The following RFT1 variants were observed in gnomAD, a reference collection of about 807,000 sequenced individuals.
RFT1 encodes RFT1 glycolipid translocator homolog, also known as man(5)GlcNAc(2)-PP-dolichol translocation protein RFT1.
RFT1 carries 43 observed loss-of-function variants against 62.2 expected under a neutral mutation model. The ratio of observed to expected loss-of-function variants is 0.69; its 90% CI spans 0.54 to 0.89. RFT1 has a LOEUF of 0.89. Ranked by LOEUF, RFT1 falls within the 40% of genes least tolerant of loss-of-function variation. The pLI is 0.00. For missense variants in RFT1, 605 were observed against 649.9 expected, an observed-to-expected ratio of 0.93 and a Z score of 0.75; for synonymous variants, 262 against 264.6, an observed-to-expected ratio of 0.99 and a Z score of 0.10.
the RFT1 span, among the ~76,000 whole-genome samples, chr3:53,067,215 G>A: frequency 6.6e-6 from 1 of 152,204 alleles, no homozygotes; most frequent in Non-Finnish European, 1.5e-5. Flanking sequence ...GCACGGTGGA[G>A]CATGTCTGTA....
At chr3:53,070,022 G>A in the RFT1 span, among the ~76,000 whole-genome samples, 124 of 152,312 alleles carry the variant, frequency 8.1e-4, no homozygotes, top group African/African-American at 2.9e-3. Flanking sequence ...CAGGAAGATG[G>A]GGCTGGCTAG....
At chr3:53,104,432 T>C (rs1701407241) in intron 9 of RFT1, among the ~76,000 whole-genome samples, 1 of 152,114 alleles carries the variant, frequency 6.6e-6, no homozygotes, top group Non-Finnish European at 1.5e-5. Flanking sequence ...TCTCACTATG[T>C]TGACCAGGCT....
At chr3:53,104,500 C>T (rs1276819751) in intron 9 of RFT1, among the ~76,000 whole-genome samples, 2 of 152,052 alleles carry the variant, frequency 1.3e-5, no homozygotes, top group African/African-American at 4.8e-5. Context: ...AAGCGTGAGG[C>T]TTACAGGCAT....
chr3:53,082,491 T>C, the RFT1 span, among the ~76,000 whole-genome samples: 1 of 150,910 alleles, frequency 6.6e-6, no homozygotes, highest in Admixed American at 6.6e-5. Context: ...TAAAATGAAA[T>C]AATAATAACA....
intron 6 of RFT1, among the ~76,000 whole-genome samples, chr3:53,116,545 C>T (rs529487584): frequency 6.6e-6 from 1 of 152,000 alleles, no homozygotes; most frequent in Admixed American, 6.6e-5. Context: ...CCTCCCACTT[C>T]GGTCTCCCAA....
At chr3:53,092,751 A>G in intron 11 of RFT1, 133 bp from the exon 12 acceptor site, 2 of 1,037,836 alleles carry the variant, frequency 1.9e-6, no homozygotes, top group Non-Finnish European at 2.8e-6. Context: ...ATAACATCGA[A>G]TGCTACCTGG....
the RFT1 span, among the ~76,000 whole-genome samples, chr3:53,068,755 T>C: frequency 4.6e-5 from 7 of 152,264 alleles, no homozygotes; most frequent in Admixed American, 2.6e-4. Flanking sequence ...CCCTGACTTA[T>C]ATGGCTCAAC....
chr3:53,120,143 C>T (rs1701929543), intron 5 of RFT1, 122 bp from the exon 6 acceptor site: 2 of 819,000 alleles, frequency 2.4e-6, no homozygotes, highest in Non-Finnish European at 3.7e-6. Flanking sequence ...TTCAGCAATG[C>T]CTTACCCTCT....
chr3:53,122,446 G>C lies in RFT1; in HGVS notation c.384C>G (p.Leu128=). The C allele has an allele frequency of 6.2e-7, 1 of 1,613,996 alleles. No homozygotes were observed. The highest frequency in any genetic ancestry group is 8.5e-7 in the Non-Finnish European group (1 of 1,180,012). The change falls in exon 4 of 13, where the codon CTC becomes CTG. Residue 128 remains leucine (L), a synonymous_variant. Transcript: ENST00000296292. ...HYATGVVLFG[L]SAVVELLGEP... ...CTCCTAGAAGCTCCACCACTGCCGA[G>C]AGACCAAACAGCACCACTCCAGTTG...
chr3:53,109,830 A>G (rs1011124354), intron 7 of RFT1, among the ~76,000 whole-genome samples: 1 of 152,080 alleles, frequency 6.6e-6, no homozygotes, highest in Non-Finnish European at 1.5e-5. Flanking sequence ...AACAAAAAAC[A>G]AAAAACAAAA....
chr3:53,113,938 C>T (rs1701720738), intron 6 of RFT1, among the ~76,000 whole-genome samples: 1 of 152,184 alleles, frequency 6.6e-6, no homozygotes. Context: ...GTGAATCCTC[C>T]CAAACAGTGC....
At chr3:53,108,651 G>A (rs1387763781) in intron 7 of RFT1, among the ~76,000 whole-genome samples, 1 of 151,790 alleles carries the variant, frequency 6.6e-6, no homozygotes, top group Non-Finnish European at 1.5e-5. Context: ...CCAAAGTGCT[G>A]GGATTACAGG....
chr3:53,127,631 C>T (rs141522612), intron 1 of RFT1, among the ~76,000 whole-genome samples: 11 of 144,176 alleles, frequency 7.6e-5, no homozygotes, highest in South Asian at 4.3e-4. Context: ...GAAGCCTGGG[C>T]GACAGAGCTA....
In RFT1 at chr3:53,121,820, G is replaced by T. The variant is rs749862064; in HGVS notation, c.457-20C>A. On this transcript the variant is annotated intron_variant, in intron 4 of 12. Transcript: ENST00000296292. ...AATCACCTGCAAACATGTGGTTAAG[G>T]TGCAGTTTACAAACATCATCAAAAA... is the stretch of plus-strand genomic sequence containing the variant. 6.3e-7 allele frequency: 1 copy of T among 1,593,724 alleles called. No homozygotes were observed. The highest frequency in any genetic ancestry group is 2.2e-5 in the East Asian group (1 of 44,578).
chr3:53,125,923 G>A lies in RFT1; in HGVS notation c.135C>T (p.Gly45=), dbSNP rs772419264. 8 of 1,613,358 alleles carry A rather than the reference G, an allele frequency of 5.0e-6. No homozygotes were observed. The highest frequency in any genetic ancestry group is 6.8e-6 in the Non-Finnish European group (8 of 1,179,506). Residue 45 remains glycine, a synonymous_variant, in exon 2 of 13, where the codon GGC becomes GGT. Coordinates refer to ENST00000296292, the MANE Select transcript of RFT1 (RefSeq NM_052859.4). The stretch of plus-strand genomic sequence containing the variant: ...TCTCCTCCTACCTTACATTTACTAC[G>A]CCAACGATTTCCTTTGACAGGAAGC... ...ILRFLSKEIV[G]VVNVRLTLLY...
chr3:53,087,063 C>A (rs1014007782), downstream of RFT1, among the ~76,000 whole-genome samples: 20 of 152,110 alleles, frequency 1.3e-4, no homozygotes, highest in African/African-American at 4.6e-4. Context: ...CATGGTGAAA[C>A]CCCCTCCCTA....
At position 53,104,069 on chromosome 3, in the gene RFT1, A is replaced by C. The variant is rs1701394589; in HGVS notation, c.986T>G (p.Leu329Trp). 5.0e-6 allele frequency: 8 copies of C among 1,614,016 alleles called. No homozygotes were observed. Among genetic ancestry groups the C allele is most frequent in the African/African-American group, 1.3e-5 (1 of 74,924 alleles). ...QEDVAVAAAV[L>W]ESLLKLALLA... ...CAGGGCCAGCTTGAGCAGGGACTCC[A>C]AGACTGCAGCAGCCACAGCAACGTC... Residue 329 changes from leucine (L) to tryptophan (W), a missense_variant, in exon 10 of 13, where the codon TTG (leucine) becomes TGG (tryptophan). Leu to Trp is a moderately conservative substitution (Grantham distance 61, BLOSUM62 -2). Coordinates refer to ENST00000296292, the MANE Select transcript of RFT1 (RefSeq NM_052859.4).
At chr3:53,124,058 AGTTAC>A (rs1183378463) in intron 2 of RFT1, among the ~76,000 whole-genome samples, 2 of 152,234 alleles carry the variant, frequency 1.3e-5, no homozygotes, top group Non-Finnish European at 2.9e-5. Flanking sequence ...GTGTGCCTAC[AGTTAC>A]GTGAAGGATA....
intron 10 of RFT1, among the ~76,000 whole-genome samples, chr3:53,101,211 C>T (rs1701302507): frequency 6.6e-6 from 1 of 152,224 alleles, no homozygotes; most frequent in African/African-American, 2.4e-5. Flanking sequence ...TATCACCTCA[C>T]ATTGCATTTT....
Sources: allele counts gnomAD v4.1 joint callset (sites outside exome capture counted in the v4.1 genomes callset), GRCh38; gene constraint gnomAD v4.1.1; transcripts MANE v1.5; gene names NCBI Gene and HGNC (gene_info 2026-07-23, HGNC 2026-07-21).